The following DYM variants were observed in gnomAD, a reference collection of about 807,000 sequenced individuals.
DYM encodes dymeclin.
In DYM, 78 loss-of-function variants were observed where a neutral mutation model predicts 93.1. The ratio of observed to expected loss-of-function variants is 0.84; its 90% CI spans 0.70 to 1.01. The LOEUF is 1.01. Ranked by LOEUF, DYM falls within the 50% of genes least tolerant of loss-of-function variation. DYM has a pLI of 0.00. For missense variants in DYM, 789 were observed against 845.0 expected (o/e 0.93, Z 0.82); for synonymous variants, 321 against 319.7 (o/e 1.00, Z -0.04).
At chr18:49,112,458 G>A (rs571790295) in intron 16 of DYM, among the ~76,000 whole-genome samples, 83 of 152,178 alleles carry the variant, frequency 5.5e-4, no homozygotes, top group African/African-American at 2.0e-3. Flanking sequence ...ATCCAGTCCT[G>A]GTGTCTCACC....
At chr18:49,377,015 G>A (rs1311094912) in intron 5 of DYM, among the ~76,000 whole-genome samples, 2 of 152,174 alleles carry the variant, frequency 1.3e-5, no homozygotes, top group Non-Finnish European at 2.9e-5. Flanking sequence ...AGGTAATGGG[G>A]TCTCAGAGGG....
In DYM at chr18:49,036,770, C is replaced by T. The variant is rs1465870687; in HGVS notation, c.*7285G>A. On this transcript the variant is annotated 3_prime_UTR_variant, in exon 18 of 18. Transcript: ENST00000675505. ...GGAGGGTTTCACCATGTTATCCAGGCTGGCTCTTAAATATTTTAAATGTCT... is the reference window on the plus strand; with the variant it reads ...GGAGGGTTTCACCATGTTATCCAGGTTGGCTCTTAAATATTTTAAATGTCT... Among the ~76,000 whole-genome samples the T allele has an allele frequency of 3.3e-5, 5 of 152,062 alleles. No homozygotes were observed. The highest frequency in any genetic ancestry group is 7.4e-5 in the Non-Finnish European group (5 of 68,020).
intron 2 of DYM, among the ~76,000 whole-genome samples, chr18:49,426,677 C>G (rs990759054): frequency 9.2e-5 from 14 of 151,370 alleles, no homozygotes; most frequent in African/African-American, 3.4e-4. Flanking sequence ...GCAAATAAAA[C>G]CATAAGGACC....
rs568211027 is a variant in DYM at position 49,218,477 on chromosome 18, T to G, written c.1461-8762A>C. On this transcript the variant is annotated intron_variant, in intron 13 of 17. Coordinates refer to ENST00000675505, the MANE Select transcript of DYM (RefSeq NM_001353214.3). The stretch of plus-strand genomic sequence containing the variant: ...ATTTTTTTCAGCACCACACCACACC[T>G]ATTCCAAAATTGACCACATAGTTGG... 3.9e-5 allele frequency among the ~76,000 whole-genome samples: 6 copies of G among 152,266 alleles called. No homozygotes were observed. In the South Asian group the frequency reaches 1.2e-3, roughly 32 times the overall value.
intron 14 of DYM, among the ~76,000 whole-genome samples, chr18:49,205,506 A>T (rs1281242290): frequency 6.6e-6 from 1 of 152,094 alleles, no homozygotes; most frequent in South Asian, 2.1e-4. Flanking sequence ...TTTATAATTC[A>T]TATTTTTAAA....
chr18:49,091,861 C>T (rs2079079648), intron 17 of DYM, among the ~76,000 whole-genome samples: 1 of 152,100 alleles, frequency 6.6e-6, no homozygotes, highest in South Asian at 2.1e-4. Context: ...GATCTGCCCG[C>T]CTCCAGCTCC....
intron 2 of DYM, among the ~76,000 whole-genome samples, chr18:49,395,783 T>A (rs1210493408): frequency 6.6e-6 from 1 of 152,176 alleles, no homozygotes; most frequent in Non-Finnish European, 1.5e-5. Context: ...TTACAAATGT[T>A]GGCAAGGATG....
At chr18:49,337,178 A>C (rs2063734458) in intron 6 of DYM, among the ~76,000 whole-genome samples, 1 of 152,232 alleles carries the variant, frequency 6.6e-6, no homozygotes. Context: ...GTCAGGTAAT[A>C]TGTATTCATA....
intron 15 of DYM, among the ~76,000 whole-genome samples, chr18:49,127,082 A>G (rs1026030310): frequency 5.3e-5 from 8 of 152,224 alleles, no homozygotes; most frequent in Non-Finnish European, 1.0e-4. Context: ...TGGAGCAGCC[A>G]TAATAGAATC....
intron 9 of DYM, among the ~76,000 whole-genome samples, chr18:49,282,569 C>A (rs915573598): frequency 1.3e-5 from 2 of 152,316 alleles, no homozygotes; most frequent in Non-Finnish European, 2.9e-5. Flanking sequence ...GCCGAGCTCA[C>A]GCCACTGCAC....
chr18:49,301,445 C>A (rs1036461230), intron 8 of DYM, among the ~76,000 whole-genome samples: 3 of 148,928 alleles, frequency 2.0e-5, no homozygotes, highest in Non-Finnish European at 4.4e-5. Context: ...GGCATGAACC[C>A]GGGAGGCGGA....
Position 49,240,209 on chromosome 18 carries a change from C to A in DYM, c.1460+16801G>T, listed in dbSNP as rs184718506. On this transcript the variant is annotated intron_variant, in intron 13 of 17. Transcript: ENST00000675505. Reference sequence around the variant, plus strand: ...CACTGAACTCTGTAATACAGACATGCTCACATCCACTCTACCTATCTCATC... The same window carrying A: ...CACTGAACTCTGTAATACAGACATGATCACATCCACTCTACCTATCTCATC... Among the ~76,000 whole-genome samples, 13 of 152,186 alleles carry A rather than the reference C, an allele frequency of 8.5e-5. No homozygotes were observed. The East Asian group carries it at 1.2e-3, about 14-fold the overall frequency.
intron 14 of DYM, among the ~76,000 whole-genome samples, chr18:49,166,864 G>C (rs1453731952): frequency 6.6e-6 from 1 of 151,938 alleles, no homozygotes; most frequent in Non-Finnish European, 1.5e-5. Context: ...TGAGCTTCTT[G>C]GTGTTAGGAA....
intron 17 of DYM, among the ~76,000 whole-genome samples, chr18:49,077,398 A>G (rs1435542152): frequency 6.6e-6 from 1 of 152,244 alleles, no homozygotes; most frequent in African/African-American, 2.4e-5. Context: ...GATCTGTTCT[A>G]TGGCTCAAAA....
intron 2 of DYM, among the ~76,000 whole-genome samples, chr18:49,426,968 A>T (rs1186843559): frequency 6.6e-6 from 1 of 152,180 alleles, no homozygotes; most frequent in Non-Finnish European, 1.5e-5. Context: ...TACATAACCT[A>T]ATTGATGACA....
chr18:49,213,373 T>C (rs1240405436), intron 13 of DYM, among the ~76,000 whole-genome samples: 1 of 151,708 alleles, frequency 6.6e-6, no homozygotes, highest in African/African-American at 2.4e-5. Flanking sequence ...CTCGGCTCAC[T>C]GCAACCTCCG....
chr18:49,329,178 G>T (rs1788121), intron 8 of DYM, among the ~76,000 whole-genome samples: 76,159 of 150,824 alleles, frequency 0.5, 20,529 homozygotes, highest in Admixed American at 0.61. Context: ...GCAAACTATT[G>T]CAAGGACAGA....
At chr18:49,204,339 G>A (rs1056612315) in intron 14 of DYM, among the ~76,000 whole-genome samples, 1 of 152,156 alleles carries the variant, frequency 6.6e-6, no homozygotes, top group Admixed American at 6.5e-5. Context: ...CTGAAGAGCC[G>A]AGTTAATAGT....
At chr18:49,260,669 C>T (rs758822007) in intron 11 of DYM, among the ~76,000 whole-genome samples, 4 of 152,018 alleles carry the variant, frequency 2.6e-5, no homozygotes, top group African/African-American at 7.2e-5. Context: ...TTACCACCAA[C>T]GGAAAAAGAA....
Sources: allele counts gnomAD v4.1 joint callset (sites outside exome capture counted in the v4.1 genomes callset), GRCh38; gene constraint gnomAD v4.1.1; transcripts MANE v1.5; gene names NCBI Gene and HGNC (gene_info 2026-07-23, HGNC 2026-07-21).